Variants in SMU1 observed in about 807,000 individuals in gnomAD.
The protein encoded by SMU1 is SMU1 DNA replication regulator and spliceosomal factor, also known as WD40 repeat-containing protein SMU1.
Under a neutral mutation model 62.0 loss-of-function variants are expected in SMU1, and 2 were observed. The ratio of observed to expected loss-of-function variants is 0.03; its 90% CI spans 0.01 to 0.10. SMU1 has a LOEUF of 0.10. SMU1 is among the 10% of genes least tolerant of loss of function. The pLI is 1.00. For synonymous variants in SMU1, 188 were observed against 212.4 expected (o/e 0.89, Z 1.00); for missense variants, 227 against 622.1 (o/e 0.36, Z 6.76).
chr9:33,056,059 A>G (rs1294691759), intron 9 of SMU1, 54 bp downstream of exon 9: 1 of 1,550,488 alleles, frequency 6.4e-7, no homozygotes, highest in Admixed American at 1.8e-5. Flanking sequence ...AAAACTCCTC[A>G]AAGGACAAAG....
At chr9:33,047,785 G>T (rs1325297394) in intron 11 of SMU1, among the ~76,000 whole-genome samples, 1 of 150,892 alleles carries the variant, frequency 6.6e-6, no homozygotes, top group South Asian at 2.1e-4. Context: ...CTTGAAACCA[G>T]GAGGCAGAGG....
chr9:33,059,178 T>C (rs995820082), intron 6 of SMU1, among the ~76,000 whole-genome samples: 1 of 152,134 alleles, frequency 6.6e-6, no homozygotes, highest in Non-Finnish European at 1.5e-5. Flanking sequence ...ACAGCAATAA[T>C]CTCCAACATA....
intron 3 of SMU1, among the ~76,000 whole-genome samples, chr9:33,069,892 G>A (rs10813932): frequency 0.11 from 16,864 of 152,190 alleles, 1,147 homozygotes; most frequent in Non-Finnish European, 0.15. Flanking sequence ...TTGGGAGGCC[G>A]AGGCGGGTGG....
In SMU1 at chr9:33,056,084, C is replaced by G. The variant is rs772306330; in HGVS notation, c.1122+29G>C. The G allele has an allele frequency of 1.0e-5, 16 of 1,583,584 alleles. No individual in the cohort carries two copies. The South Asian group carries it at 1.8e-4, about 18-fold the overall frequency. ...AAAGGACAAAGATGGGGTAGACATC[C>G]CAAAATAAACTGATAGCAAATACTT... On this transcript the variant is annotated intron_variant, in intron 9 of 11. Coordinates refer to ENST00000397149, the MANE Select transcript of SMU1 (RefSeq NM_018225.3).
At chr9:33,051,543 G>A (rs1051490602) in intron 10 of SMU1, among the ~76,000 whole-genome samples, 14 of 152,162 alleles carry the variant, frequency 9.2e-5, no homozygotes, top group African/African-American at 2.9e-4. Flanking sequence ...CTGATAGTGT[G>A]GAAGGCTGTG....
intron 1 of SMU1, 144 bp downstream of exon 1, chr9:33,076,439 G>A: frequency 3.0e-6 from 3 of 1,000,930 alleles, no homozygotes; most frequent in African/African-American, 1.6e-5. Context: ...CCGAGGTAGC[G>A]AGATCCAAGA....
At chr9:33,055,276 G>C (rs895996042) in intron 9 of SMU1, among the ~76,000 whole-genome samples, 1 of 152,056 alleles carries the variant, frequency 6.6e-6, no homozygotes, top group East Asian at 1.9e-4. Context: ...TCCTGGGTTC[G>C]AGTGATCCTT....
At chr9:33,050,457 T>G (rs1047337503) in intron 10 of SMU1, among the ~76,000 whole-genome samples, 8 of 151,428 alleles carry the variant, frequency 5.3e-5, no homozygotes, top group African/African-American at 1.9e-4. Context: ...TACTCATAAT[T>G]GCCAAAACTT....
intron 2 of SMU1, among the ~76,000 whole-genome samples, chr9:33,072,820 C>T (rs1839501950): frequency 7.2e-6 from 1 of 139,658 alleles, no homozygotes; most frequent in Non-Finnish European, 1.5e-5. Flanking sequence ...CACAGTGAGA[C>T]TCTGTCTCAA....
chr9:33,066,420 C>A (rs960233689), intron 4 of SMU1, among the ~76,000 whole-genome samples: 2 of 148,854 alleles, frequency 1.3e-5, no homozygotes, highest in Admixed American at 1.4e-4. Context: ...CTGGGCTCAG[C>A]GGCTTACACC....
At chr9:33,050,837 T>TAAAA (rs760240936) in intron 10 of SMU1, among the ~76,000 whole-genome samples, 1 of 69,362 alleles carries the variant, frequency 1.4e-5, no homozygotes, top group Admixed American at 1.4e-4. Flanking sequence ...AAAAAAAAAA[T>TAAAA]AAGGCCGGGC....
Position 33,042,753 on chromosome 9 carries a change from T to C in SMU1, c.*4540A>G, listed in dbSNP as rs1839139881. On this transcript the variant is annotated 3_prime_UTR_variant, in exon 12 of 12. Coordinates refer to ENST00000397149, the MANE Select transcript of SMU1 (RefSeq NM_018225.3). Reference sequence around the variant, plus strand: ...CAACACTGACACATGGATTTAATATTAACCACTTGGAACAGAATACCACTG... The same window carrying C: ...CAACACTGACACATGGATTTAATATCAACCACTTGGAACAGAATACCACTG... The C allele has an allele frequency of 6.6e-6, 1 of 152,246 alleles. No homozygotes were observed. The highest frequency in any genetic ancestry group is 1.5e-5 in the Non-Finnish European group (1 of 68,044). The allele number at this position is 152,246 out of a possible 1,614,324, so 9.4% of individuals were successfully genotyped here. A position where few individuals can be genotyped will look rare whatever the true frequency, so the allele number is the denominator to read the frequency against.
chr9:33,056,486 T>C (rs1839305443), intron 8 of SMU1, among the ~76,000 whole-genome samples: 2 of 152,122 alleles, frequency 1.3e-5, no homozygotes, highest in Admixed American at 1.3e-4. Flanking sequence ...GACAGACCTC[T>C]AAAAAACAAG....
At chr9:33,053,007 C>T (rs752463491) in intron 10 of SMU1, 116 bp downstream of exon 10, 11 of 821,702 alleles carry the variant, frequency 1.3e-5, no homozygotes, top group Non-Finnish European at 2.0e-5. Context: ...ACAGCTTAAA[C>T]GGTTTACAGA....
chr9:33,048,868 T>A (rs1587705573), intron 10 of SMU1, among the ~76,000 whole-genome samples: 1 of 152,200 alleles, frequency 6.6e-6, no homozygotes, highest in East Asian at 1.9e-4. Context: ...TAAAACATGA[T>A]ACCATTTACA....
intron 1 of SMU1, among the ~76,000 whole-genome samples, chr9:33,074,772 C>CTTTTT (rs757049046): frequency 3.1e-4 from 41 of 133,940 alleles, no homozygotes; most frequent in Non-Finnish European, 4.3e-4. Flanking sequence ...CAAACATCCT[C>CTTTTT]TTTTTTTTTT....
At chr9:33,066,202 A>G (rs1839417430) in intron 4 of SMU1, among the ~76,000 whole-genome samples, 1 of 152,204 alleles carries the variant, frequency 6.6e-6, no homozygotes, top group African/African-American at 2.4e-5. Context: ...TATGGTCAGC[A>G]AAACAAACAG....
chr9:33,067,114 T>C (rs1430362776), intron 4 of SMU1, among the ~76,000 whole-genome samples: 1 of 152,048 alleles, frequency 6.6e-6, no homozygotes, highest in Non-Finnish European at 1.5e-5. Flanking sequence ...AGAAATTACA[T>C]GTAATTATTT....
At chr9:33,074,343 A>G (rs1182353177) in intron 1 of SMU1, among the ~76,000 whole-genome samples, 1 of 152,042 alleles carries the variant, frequency 6.6e-6, no homozygotes, top group Non-Finnish European at 1.5e-5. Flanking sequence ...ATGTGCCTGT[A>G]GTCCCAGCTA....
Sources: gnomAD v4.1 joint callset for allele counts (sites outside exome capture counted in the v4.1 genomes callset) on GRCh38, gnomAD v4.1.1 for gene constraint, MANE v1.5 for transcripts, NCBI Gene and HGNC (gene_info 2026-07-23, HGNC 2026-07-21) for gene names.